Variants in UGT1A10 observed in about 807,000 individuals in gnomAD.
UGT1A10 encodes UDP glucuronosyltransferase family 1 member A10.
UGT1A10 carries 49 observed loss-of-function variants against 45.8 expected under a neutral mutation model. That is an observed-to-expected ratio of 1.07 (90% confidence interval 0.85 to 1.36). The LOEUF (loss-of-function observed/expected upper bound fraction) is 1.36. UGT1A10 is among the 40% of genes most tolerant of loss of function. UGT1A10 has a pLI of 0.00. For missense variants in UGT1A10, 745 were observed against 668.6 expected (o/e 1.11, Z -1.26); for synonymous variants, 284 against 249.7 (o/e 1.14, Z -1.29).
chr2:233,767,319 T>G (rs928023163), intron 2 of UGT1A10, among the ~76,000 whole-genome samples, 154 bp downstream of exon 2: 1 of 152,210 alleles, frequency 6.6e-6, no homozygotes, highest in African/African-American at 2.4e-5. Flanking sequence ...TTTTTGTTGT[T>G]GTGGTTGTTG....
intron 1 of UGT1A10, among the ~76,000 whole-genome samples, chr2:233,690,261 AT>A (rs1364887580): frequency 1.3e-5 from 2 of 152,134 alleles, no homozygotes; most frequent in Admixed American, 6.6e-5. Context: ...AGTCTCAAAC[AT>A]TTTGCAGGTC....
At chr2:233,747,911 C>A (rs1693810314) in intron 1 of UGT1A10, 1 of 1,613,394 alleles carries the variant, frequency 6.2e-7, no homozygotes, top group Non-Finnish European at 8.5e-7. Flanking sequence ...CTTATGCAAG[C>A]CTTGCCTCTG....
Position 233,769,204 on chromosome 2 carries a change from CA to C in UGT1A10, c.1295+766del, listed in dbSNP as rs1195031897. 1.3e-5 allele frequency among the ~76,000 whole-genome samples: 2 copies of C among 152,164 alleles called. No individual in the cohort carries two copies. The highest frequency in any genetic ancestry group is 4.8e-5 in the African/African-American group (2 of 41,440). ...TGAATGAAGGAGCTATAAGATATCA[CA>C]GACAAAGTCTTAGAATAAGAGCAAA... On this transcript the variant is annotated intron_variant, in intron 4 of 4. Transcript: ENST00000344644. This position sits in a 1 kb window ranked among gnomAD's most constrained non-coding sequence, Gnocchi z 4.4.
chr2:233,756,091 CATT>C (rs1696120004), intron 1 of UGT1A10: 1 of 152,178 alleles, frequency 6.6e-6, no homozygotes, highest in Admixed American at 6.5e-5. Context: ...AATCAAGTAA[CATT>C]ATTACGGAAA....
At chr2:233,667,593 G>A (rs192996221) in intron 1 of UGT1A10, among the ~76,000 whole-genome samples, 126 of 152,242 alleles carry the variant, frequency 8.3e-4, no homozygotes, top group Admixed American at 2.8e-3. Context: ...GAGTGAACAG[G>A]CAACTTACAG....
At chr2:233,728,109 C>T (rs1053786831) in intron 1 of UGT1A10, among the ~76,000 whole-genome samples, 1 of 152,198 alleles carries the variant, frequency 6.6e-6, no homozygotes, top group African/African-American at 2.4e-5. Flanking sequence ...ATTTAATTCT[C>T]CATCTTGAAA....
chr2:233,768,067 T>C, intron 3 of UGT1A10, 131 bp downstream of exon 3: 1 of 1,596,454 alleles, frequency 6.3e-7, no homozygotes, highest in Non-Finnish European at 8.5e-7. Context: ...GCTTTTTATC[T>C]AGTGGGGTAT....
chr2:233,700,600 C>G (rs1244417909), intron 1 of UGT1A10, among the ~76,000 whole-genome samples: 1 of 152,134 alleles, frequency 6.6e-6, no homozygotes, highest in African/African-American at 2.4e-5. Context: ...ATACAATTCA[C>G]TCTTTTTTTG....
chr2:233,672,451 C>T (rs756268020), intron 1 of UGT1A10: 11 of 1,613,824 alleles, frequency 6.8e-6, no homozygotes, highest in South Asian at 1.1e-5. Context: ...CAGGGGAATA[C>T]TTTGCCACTA....
At chr2:233,744,389 G>GC (rs1692798556) in intron 1 of UGT1A10, among the ~76,000 whole-genome samples, 1 of 151,858 alleles carries the variant, frequency 6.6e-6, no homozygotes, top group African/African-American at 2.4e-5. Flanking sequence ...CAACGTTCCA[G>GC]CCCCGGTGCC....
At chr2:233,747,940 T>C in intron 1 of UGT1A10, 1 of 1,613,178 alleles carries the variant, frequency 6.2e-7, no homozygotes, top group Non-Finnish European at 8.5e-7. Flanking sequence ...CAGAGGGAGG[T>C]GTCAGTGGTG....
At chr2:233,760,517 A>C in intron 1 of UGT1A10, 1 of 1,614,264 alleles carries the variant, frequency 6.2e-7, no homozygotes, top group Non-Finnish European at 8.5e-7. Context: ...TACACCTTGA[A>C]GACGTACCCT....
At chr2:233,668,674 A>G (rs973958041) in intron 1 of UGT1A10, among the ~76,000 whole-genome samples, 5 of 152,372 alleles carry the variant, frequency 3.3e-5, no homozygotes, top group African/African-American at 1.2e-4. Flanking sequence ...TCCCACCAAC[A>G]GGGTAAAAGC....
At position 233,707,370 on chromosome 2, in the gene UGT1A10, A is replaced by C. The variant is rs567793964; in HGVS notation, c.856-59664A>C. ...AGATCAACCCATCACCTAGGTATTA[A>C]GCTCAGCATCCATGAGCTATTCTTT... On this transcript the variant is annotated intron_variant, in intron 1 of 4. Coordinates refer to ENST00000344644, the MANE Select transcript of UGT1A10 (RefSeq NM_019075.4). Among the ~76,000 whole-genome samples the C allele has an allele frequency of 3.9e-5, 6 of 152,172 alleles. No homozygotes were observed. The South Asian group carries it at 1.2e-3, about 32-fold the overall frequency.
intron 1 of UGT1A10, among the ~76,000 whole-genome samples, chr2:233,724,870 T>C (rs1288208202): frequency 1.6e-5 from 2 of 128,160 alleles, no homozygotes; most frequent in African/African-American, 6.8e-5. Context: ...TAGGTTGTAG[T>C]GAGCGGAGAT....
chr2:233,654,765 AC>A (rs971901482), intron 1 of UGT1A10, among the ~76,000 whole-genome samples: 38 of 152,128 alleles, frequency 2.5e-4, no homozygotes, highest in African/African-American at 8.0e-4. Flanking sequence ...ACTGTTTTAG[AC>A]CCAGTCCAGT....
chr2:233,770,320 A>G (rs1342178288), intron 4 of UGT1A10: 1 of 152,182 alleles, frequency 6.6e-6, no homozygotes, highest in African/African-American at 2.4e-5. Flanking sequence ...TATGCTGACA[A>G]CCAGGCCATA....
Position 233,695,130 on chromosome 2 carries a change from C to CTTTCTTTTTTTTTTTTTT in UGT1A10, c.855+57756_855+57757insCTTTTTTTTTTTTTTTTT, listed in dbSNP as rs1364557158. Among the ~76,000 whole-genome samples, 15 of 138,840 alleles carry CTTTCTTTTTTTTTTTTTT rather than the reference C, an allele frequency of 1.1e-4. 2 individuals carry two copies. Among genetic ancestry groups the CTTTCTTTTTTTTTTTTTT allele is most frequent in the Admixed American group, 3.5e-4 (5 of 14,108 alleles). 91.1% of individuals were successfully genotyped at this position (138,840 alleles called of 152,430 possible). ...GCCCATTAACCAACCCTTTTCTTTTCTTTTTTTTTTTTTTGAGACAGAGTC... is the reference window on the plus strand; with the variant it reads ...GCCCATTAACCAACCCTTTTCTTTTCTTTCTTTTTTTTTTTTTTTTTTTTTTTTTTTTGAGACAGAGTC... On this transcript the variant is annotated intron_variant, in intron 1 of 4. Transcript: ENST00000344644.
chr2:233,643,343 C>A (rs954204583), intron 1 of UGT1A10, among the ~76,000 whole-genome samples: 8 of 152,100 alleles, frequency 5.3e-5, no homozygotes, highest in Non-Finnish European at 1.0e-4. Flanking sequence ...CCACCCCTGG[C>A]CATGGACAGT....
Sources: gnomAD v4.1 joint callset for allele counts (sites outside exome capture counted in the v4.1 genomes callset) on GRCh38, gnomAD v4.1.1 for gene constraint, Gnocchi (gnomAD v3.1) non-coding constraint, MANE v1.5 for transcripts, NCBI Gene and HGNC (gene_info 2026-07-23, HGNC 2026-07-21) for gene names.